Variants in SIPA1L1 observed in about 807,000 individuals in gnomAD.
The protein encoded by SIPA1L1 is signal induced proliferation associated 1 like 1.
Under a neutral mutation model 162.7 loss-of-function variants are expected in SIPA1L1, and 26 were observed. That is an observed-to-expected ratio of 0.16 (90% CI 0.12 to 0.22). The LOEUF (loss-of-function observed/expected upper bound fraction) is 0.22. Ranked by LOEUF, SIPA1L1 falls within the 10% of genes least tolerant of loss-of-function variation. SIPA1L1 has a pLI of 1.00. For missense variants in SIPA1L1, 1,874 were observed against 2,241.0 expected (o/e 0.84, Z 3.31); for synonymous variants, 829 against 837.4 (o/e 0.99, Z 0.17).
chr14:71,588,932 A>T lies in SIPA1L1; in HGVS notation c.1060A>T (p.Ile354Phe). The part of the protein sequence containing the change: ...NEAIMNRHNV[I>F]KRRNTTTGAS... Reference sequence around the variant, plus strand: ...GGCAATTATGAACAGGCACAATGTTATTAAGAGGAGAAACACCACCACTGG... The same window carrying T: ...GGCAATTATGAACAGGCACAATGTTTTTAAGAGGAGAAACACCACCACTGG... Residue 354 changes from isoleucine to phenylalanine, a missense_variant, in exon 5 of 24, where the codon ATT (isoleucine) becomes TTT (phenylalanine). Around this residue, in one of 5 missense-constraint regions of SIPA1L1, gnomAD observed 685 missense variants for 828.0 expected, o/e 0.83. Transcript: ENST00000381232. This position sits in a 1 kb window ranked among gnomAD's most constrained non-coding sequence, Gnocchi z 4.3. 2 of 1,614,114 alleles carry T rather than the reference A, an allele frequency of 1.2e-6. No individual in the cohort carries two copies. Among genetic ancestry groups the T allele is most frequent in the Non-Finnish European group, 1.7e-6 (2 of 1,179,972 alleles).
chr14:71,695,239 C>A (rs2081537664), intron 13 of SIPA1L1, among the ~76,000 whole-genome samples: 1 of 152,180 alleles, frequency 6.6e-6, no homozygotes, highest in Non-Finnish European at 1.5e-5. Flanking sequence ...CATCTAGAGT[C>A]ATAAAAACAT....
chr14:71,335,259 G>T (rs2034972343), intron 2 of SIPA1L1, among the ~76,000 whole-genome samples: 1 of 152,170 alleles, frequency 6.6e-6, no homozygotes, highest in Non-Finnish European at 1.5e-5. Context: ...CCAAGATCGT[G>T]CCACTGCACT....
chr14:71,493,846 A>G (rs540060915), intron 2 of SIPA1L1, among the ~76,000 whole-genome samples: 1 of 152,228 alleles, frequency 6.6e-6, no homozygotes, highest in African/African-American at 2.4e-5. Flanking sequence ...TTACTCCTTA[A>G]AGGATAGATT....
At position 71,708,025 on chromosome 14, in the gene SIPA1L1, T is replaced by G. The variant is rs562124909; in HGVS notation, c.3766-1197T>G. Among the ~76,000 whole-genome samples, 384 of 126,396 alleles carry G rather than the reference T, an allele frequency of 3.0e-3. 1 individual carries two copies. Among genetic ancestry groups the G allele is most frequent in the Middle Eastern group, 7.8e-3 (2 of 258 alleles). 82.9% of individuals were successfully genotyped at this position (126,396 alleles called of 152,430 possible). A position where few individuals can be genotyped will look rare whatever the true frequency, so the allele number is the denominator to read the frequency against. ...CATTTGTTTTTTGGTGTTTTTTTTT[T>G]TTTGTTTTTTTTTTTTTTTTTGGAG... On this transcript the variant is annotated intron_variant, in intron 16 of 23. Transcript: ENST00000381232.
intron 8 of SIPA1L1, among the ~76,000 whole-genome samples, chr14:71,650,836 G>A (rs1046241321): frequency 3.9e-5 from 6 of 152,108 alleles, no homozygotes; most frequent in South Asian, 2.1e-4. Flanking sequence ...TAAAAACTCC[G>A]GAAACTTACA....
intron 4 of SIPA1L1, among the ~76,000 whole-genome samples, chr14:71,568,112 G>T (rs2031133279): frequency 6.6e-6 from 1 of 152,110 alleles, no homozygotes; most frequent in Non-Finnish European, 1.5e-5. Flanking sequence ...CTTGTATCTT[G>T]TGCTGACCTC....
intron 2 of SIPA1L1, among the ~76,000 whole-genome samples, chr14:71,436,753 C>T (rs976089337): frequency 2.7e-5 from 4 of 150,230 alleles, no homozygotes; most frequent in African/African-American, 9.8e-5. Flanking sequence ...ACAGACATAC[C>T]TTCTGAATTT....
chr14:71,406,092 GGAGTTAA>G (rs1345592045), intron 2 of SIPA1L1, among the ~76,000 whole-genome samples: 13 of 152,298 alleles, frequency 8.5e-5, no homozygotes, highest in African/African-American at 3.1e-4. Flanking sequence ...GAGAAGTAAA[GGAGTTAA>G]GATGGTCTTT....
intron 2 of SIPA1L1, among the ~76,000 whole-genome samples, chr14:71,444,844 T>C (rs2045221070): frequency 6.6e-6 from 1 of 152,156 alleles, no homozygotes; most frequent in African/African-American, 2.4e-5. Context: ...AGCTTTGGAA[T>C]GTTATAAAGA....
rs879496877 is a variant in SIPA1L1, at chr14:71,625,457, G to A, written c.1818+1221G>A. On this transcript the variant is annotated intron_variant, in intron 7 of 23. Transcript: ENST00000381232. ...TGGGATTACAGGCATGCGCCACTGC[G>A]CCTGGCCAGGTGTCTCTTTTCTAAT... 1.1e-4 allele frequency among the ~76,000 whole-genome samples: 16 copies of A among 152,136 alleles called. 1 individual carries two copies. Among genetic ancestry groups the A allele is most frequent in the South Asian group, 1.0e-3 (5 of 4,824 alleles).
chr14:71,406,122 T>C (rs1372814154), intron 2 of SIPA1L1, among the ~76,000 whole-genome samples: 1 of 152,092 alleles, frequency 6.6e-6, no homozygotes, highest in Non-Finnish European at 1.5e-5. Flanking sequence ...GAGGTAGAAT[T>C]TATAGATCTT....
intron 19 of SIPA1L1, among the ~76,000 whole-genome samples, chr14:71,725,714 G>A (rs535701845): frequency 2.3e-4 from 35 of 152,248 alleles, no homozygotes; most frequent in Non-Finnish European, 2.9e-4. Context: ...CTGAAGTTAC[G>A]TCACTCTGAG....
chr14:71,477,971 C>T (rs2048019393), intron 2 of SIPA1L1, among the ~76,000 whole-genome samples: 2 of 152,162 alleles, frequency 1.3e-5, no homozygotes, highest in African/African-American at 2.4e-5. Flanking sequence ...TCCATTTACA[C>T]CAGCAATGTA....
chr14:71,730,158 G>A lies in SIPA1L1; in HGVS notation c.4718G>A (p.Arg1573Lys), dbSNP rs957595304. The change falls in exon 20 of 24, where the codon AGG becomes AAG. Residue 1573 changes from arginine (R) to lysine (K), a missense_variant. Coordinates refer to ENST00000381232, the MANE Select transcript of SIPA1L1 (RefSeq NM_001386936.1). ...GACGAGAGCATTTACAATAGCCAGA[G>A]GGAGCACTTTTTCACCTCCAGGGCG... ...LSDESIYNSQ[R>K]EHFFTSRASL... The A allele has an allele frequency of 1.2e-6, 2 of 1,614,166 alleles. No homozygotes were observed. Among genetic ancestry groups the A allele is most frequent in the Non-Finnish European group, 1.7e-6 (2 of 1,180,030 alleles).
chr14:71,320,774 G>T lies in SIPA1L1; in HGVS notation c.-525+271G>T, dbSNP rs2032641224. Among the ~76,000 whole-genome samples, 3 of 150,508 alleles carry T rather than the reference G, an allele frequency of 2.0e-5. No homozygotes were observed. The South Asian group carries it at 6.3e-4, about 32-fold the overall frequency. On this transcript the variant is annotated intron_variant, in intron 1 of 23. Coordinates refer to ENST00000381232, the MANE Select transcript of SIPA1L1 (RefSeq NM_001386936.1). ...GACCCCCGCACTTGCTTCCCGTACT[G>T]GCCGCCCCCTCAGTTCTTTCTGCTG...
At chr14:71,630,561 G>T (rs2040467571) in intron 7 of SIPA1L1, among the ~76,000 whole-genome samples, 1 of 152,170 alleles carries the variant, frequency 6.6e-6, no homozygotes, top group Non-Finnish European at 1.5e-5. Context: ...ATTTTGAATT[G>T]TGGATTGTGT....
chr14:71,426,618 T>C (rs1385867571), intron 2 of SIPA1L1, among the ~76,000 whole-genome samples: 1 of 151,788 alleles, frequency 6.6e-6, no homozygotes, highest in Admixed American at 6.6e-5. Context: ...GCCTCCTGAG[T>C]AGCTGGGATT....
chr14:71,337,830 C>G (rs1441437007), intron 2 of SIPA1L1, among the ~76,000 whole-genome samples: 1 of 152,098 alleles, frequency 6.6e-6, no homozygotes, highest in East Asian at 1.9e-4. Flanking sequence ...CCTGTAGTCC[C>G]AGCTGTTCAG....
intron 4 of SIPA1L1, among the ~76,000 whole-genome samples, chr14:71,548,253 A>T (rs2055433129): frequency 6.6e-6 from 1 of 152,192 alleles, no homozygotes; most frequent in South Asian, 2.1e-4. Flanking sequence ...ATATAGCTTA[A>T]TTTTGCTTAA....
Sources: allele counts gnomAD v4.1 joint callset (sites outside exome capture counted in the v4.1 genomes callset), GRCh38; gene constraint gnomAD v4.1.1; regional missense constraint gnomAD v4.1.1; non-coding constraint Gnocchi (gnomAD v3.1); transcripts MANE v1.5; gene names NCBI Gene and HGNC (gene_info 2026-07-23, HGNC 2026-07-21).